TBC1D5: variants seen among roughly 807,000 people sequenced by gnomAD.
TBC1D5 encodes TBC1 domain family member 5.
In TBC1D5, 75 loss-of-function variants were observed where a neutral mutation model predicts 100.3. That is an observed-to-expected ratio of 0.75 (90% CI 0.62 to 0.91). TBC1D5 has a LOEUF of 0.91. Ranked by LOEUF, TBC1D5 falls within the 40% of genes least tolerant of loss-of-function variation. The pLI is 0.00. For synonymous variants in TBC1D5, 323 were observed against 325.6 expected, an observed-to-expected ratio of 0.99 and a Z score of 0.09; for missense variants, 910 against 942.4, an observed-to-expected ratio of 0.97 and a Z score of 0.45.
intron 4 of TBC1D5, 46 bp from the exon 5 acceptor site, chr3:17,406,572 C>A: frequency 1.3e-6 from 2 of 1,550,282 alleles, no homozygotes; most frequent in Non-Finnish European, 1.8e-6. Flanking sequence ...GTTAAAATTC[C>A]TCTGCTTGGA....
chr3:17,711,253 G>A (rs1435428401), intron 1 of TBC1D5, among the ~76,000 whole-genome samples: 1 of 152,034 alleles, frequency 6.6e-6, no homozygotes, highest in Non-Finnish European at 1.5e-5. Context: ...GTTTTAAAAA[G>A]GTATTTTTAT....
At chr3:17,620,434 A>G (rs1374550008) in intron 2 of TBC1D5, among the ~76,000 whole-genome samples, 3 of 152,276 alleles carry the variant, frequency 2.0e-5, no homozygotes, top group African/African-American at 7.2e-5. Context: ...TTGGTTGAAG[A>G]AACTACGGCA....
At chr3:17,471,213 G>A (rs1018512923) in intron 3 of TBC1D5, among the ~76,000 whole-genome samples, 2 of 152,130 alleles carry the variant, frequency 1.3e-5, no homozygotes, top group African/African-American at 2.4e-5. Context: ...GCATACAGAT[G>A]AACAGATCAC....
chr3:17,244,954 G>A (rs2076606386), intron 16 of TBC1D5, among the ~76,000 whole-genome samples: 1 of 149,652 alleles, frequency 6.7e-6, no homozygotes, highest in South Asian at 2.1e-4. Context: ...GGAAGGCCGA[G>A]GAAGGACAAC....
chr3:17,292,012 A>G lies in TBC1D5; in HGVS notation c.1139-11T>C. 6.2e-7 allele frequency: 1 copy of G among 1,602,478 alleles called. No homozygotes were observed. Among genetic ancestry groups the G allele is most frequent in the East Asian group, 2.2e-5 (1 of 44,774 alleles). ...AGTTACTAGAGATCACTAAATAAGAAGAAAAAATAATTCAGATGCAATACT... is the reference window on the plus strand; with the variant it reads ...AGTTACTAGAGATCACTAAATAAGAGGAAAAAATAATTCAGATGCAATACT... On this transcript the variant is annotated splice_polypyrimidine_tract_variant and intron_variant, in intron 14 of 21. Transcript: ENST00000253692.
At chr3:17,217,642 T>G (rs985103204) in intron 17 of TBC1D5, among the ~76,000 whole-genome samples, 4 of 152,136 alleles carry the variant, frequency 2.6e-5, no homozygotes, top group Non-Finnish European at 1.5e-5. Flanking sequence ...TAGCATCTTT[T>G]CAGGTGCTTA....
intron 2 of TBC1D5, among the ~76,000 whole-genome samples, chr3:17,521,938 T>C (rs868716157): frequency 1.4e-4 from 22 of 152,242 alleles, no homozygotes; most frequent in African/African-American, 4.8e-4. Context: ...ATGATGAGCT[T>C]ACTTGCTGAT....
intron 14 of TBC1D5, among the ~76,000 whole-genome samples, chr3:17,302,419 C>G (rs1396183854): frequency 6.6e-6 from 1 of 152,096 alleles, no homozygotes; most frequent in Non-Finnish European, 1.5e-5. Context: ...AATCTATTCC[C>G]AAATTAGGTC....
intron 3 of TBC1D5, among the ~76,000 whole-genome samples, chr3:17,457,633 C>G (rs2095117907): frequency 6.6e-6 from 1 of 152,124 alleles, no homozygotes; most frequent in South Asian, 2.1e-4. Context: ...ACTTATGGGA[C>G]AGTTCCACCA....
In TBC1D5 at chr3:17,440,952, G is replaced by C. The variant is rs117353349; in HGVS notation, c.98-12433C>G. On this transcript the variant is annotated intron_variant, in intron 3 of 21. Transcript: ENST00000253692. The stretch of plus-strand genomic sequence containing the variant: ...CCACCGTGTCCCACCAAAAAGATTC[G>C]TTTTTAAGTGGTCACTTGAAGTTCA... 4.0e-4 allele frequency among the ~76,000 whole-genome samples: 61 copies of C among 152,200 alleles called. No homozygotes were observed. In the East Asian group the frequency reaches 0.011, roughly 27 times the overall value.
chr3:17,234,627 C>T (rs2075712642), intron 17 of TBC1D5, among the ~76,000 whole-genome samples: 1 of 152,074 alleles, frequency 6.6e-6, no homozygotes, highest in South Asian at 2.1e-4. Flanking sequence ...ATATCACCAT[C>T]TGAAGGCCTA....
At chr3:17,170,501 C>T (rs1006901600) in intron 19 of TBC1D5, among the ~76,000 whole-genome samples, 1 of 152,162 alleles carries the variant, frequency 6.6e-6, no homozygotes, top group Non-Finnish European at 1.5e-5. Context: ...CTAACTAGAC[C>T]TTTGTCTCCT....
chr3:17,214,198 A>C lies in TBC1D5; in HGVS notation c.1752+9T>G. 1 of 1,605,616 alleles carries C rather than the reference A, an allele frequency of 6.2e-7. No individual in the cohort carries two copies. The highest frequency in any genetic ancestry group is 8.5e-7 in the Non-Finnish European group (1 of 1,176,690). On this transcript the variant is annotated intron_variant, in intron 18 of 21. Coordinates refer to ENST00000253692, the Ensembl canonical transcript of TBC1D5. ...AAGAACGAAGAGAAAACTGTCCTTA[A>C]ATACTTACAGATTCTTTTCTGCCCA...
At chr3:17,647,866 A>G (rs1249892831) in intron 1 of TBC1D5, among the ~76,000 whole-genome samples, 1 of 152,192 alleles carries the variant, frequency 6.6e-6, no homozygotes, top group African/African-American at 2.4e-5. Flanking sequence ...GAGATAGCTA[A>G]GAGGATTCTG....
intron 3 of TBC1D5, among the ~76,000 whole-genome samples, chr3:17,472,274 G>T (rs1278556175): frequency 6.6e-6 from 1 of 151,886 alleles, no homozygotes; most frequent in Non-Finnish European, 1.5e-5. Flanking sequence ...GAGTAGCTGG[G>T]ACTACAGGCA....
chr3:17,716,685 TCTCAA>T (rs1379658818), intron 1 of TBC1D5, among the ~76,000 whole-genome samples: 1 of 152,170 alleles, frequency 6.6e-6, no homozygotes. Flanking sequence ...TTATAGTACT[TCTCAA>T]CTCCTTTTTC....
At chr3:17,370,864 T>G (rs1410313160) in intron 13 of TBC1D5, among the ~76,000 whole-genome samples, 1 of 152,104 alleles carries the variant, frequency 6.6e-6, no homozygotes, top group African/African-American at 2.4e-5. Flanking sequence ...AATAAAAAAA[T>G]TGCCTCAATT....
intron 15 of TBC1D5, among the ~76,000 whole-genome samples, chr3:17,281,900 CTG>C (rs1004239576): frequency 3.3e-5 from 5 of 152,046 alleles, no homozygotes; most frequent in Admixed American, 2.6e-4. Flanking sequence ...TTTTTTTGTT[CTG>C]TCAGTTTTAA....
At chr3:17,528,872 A>T (rs769471869) in intron 2 of TBC1D5, among the ~76,000 whole-genome samples, 52 of 152,316 alleles carry the variant, frequency 3.4e-4, no homozygotes, top group Admixed American at 1.2e-3. Context: ...CTACAAAAAA[A>T]ATTGTTCACT....
Sources: allele counts gnomAD v4.1 joint callset (sites outside exome capture counted in the v4.1 genomes callset), GRCh38; gene constraint gnomAD v4.1.1; transcripts MANE v1.5; gene names NCBI Gene and HGNC (gene_info 2026-07-23, HGNC 2026-07-21).